SOX13: variants seen among roughly 807,000 people sequenced by gnomAD.
SOX13 encodes SRY-box transcription factor 13.
In SOX13, 28 loss-of-function variants were observed where a neutral mutation model predicts 71.8. The ratio of observed to expected loss-of-function variants is 0.39; its 90% CI spans 0.29 to 0.53. SOX13 has a LOEUF of 0.53. Among genes scored for constraint, SOX13 ranks in the 20% least tolerant of loss-of-function variants. SOX13 has a pLI of 0.70. For synonymous variants in SOX13, 309 were observed against 317.8 expected (o/e 0.97, Z 0.29); for missense variants, 627 against 810.3 (o/e 0.77, Z 2.75).
chr1:204,114,379 A>T lies in SOX13; in HGVS notation c.278A>T (p.Glu93Val), dbSNP rs1486234976. The change falls in exon 3 of 14, where the codon GAG becomes GTG. Residue 93 changes from glutamate to valine, a missense_variant. This residue lies in a region of SOX13 where 447 missense variants were observed against 532.2 expected (regional missense o/e 0.84). Coordinates refer to ENST00000367204, the MANE Select transcript of SOX13 (RefSeq NM_005686.3). Reference protein sequence around the residue: ...SPEPKRPGVSEAASGSQEKLD... With the variant: ...SPEPKRPGVSVAASGSQEKLD... ...GAACCCAAGAGACCAGGAGTGTCGG[A>T]GGCTGCCTCTGGAAGCCAGGAGAAG... is the stretch of plus-strand genomic sequence containing the variant. The T allele has an allele frequency of 6.2e-7, 1 of 1,612,522 alleles. No individual in the cohort carries two copies. Among genetic ancestry groups the T allele is most frequent in the Non-Finnish European group, 8.5e-7 (1 of 1,179,310 alleles).
intron 1 of SOX13, among the ~76,000 whole-genome samples, chr1:204,099,998 C>G (rs1656329624): frequency 6.6e-6 from 1 of 152,138 alleles, no homozygotes. Flanking sequence ...ATTAGCTGGG[C>G]ATGGTGGCAT....
At position 204,117,109 on chromosome 1, in the gene SOX13, T is replaced by C; in HGVS notation, c.592-13T>C. 1 of 1,613,620 alleles carries C rather than the reference T, an allele frequency of 6.2e-7. No individual in the cohort carries two copies. Among genetic ancestry groups the C allele is most frequent in the South Asian group, 1.1e-5 (1 of 91,040 alleles). The stretch of plus-strand genomic sequence containing the variant: ...GTCCGTGACCCCCTCTGCCTACTCT[T>C]TCCCTCTCCCAGATTGCAAAGCAGC... On this transcript the variant is annotated splice_polypyrimidine_tract_variant and intron_variant, in intron 5 of 13. Transcript: ENST00000367204.
rs752020783 is a variant in SOX13, at chr1:204,116,670, G to A, written c.582G>A (p.Gln194=). 6.2e-7 allele frequency: 1 copy of A among 1,613,642 alleles called. No individual in the cohort carries two copies. Among genetic ancestry groups the A allele is most frequent in the Admixed American group, 1.7e-5 (1 of 60,024 alleles). The change falls in exon 5 of 14, where the codon CAG becomes CAA. Residue 194 remains glutamine, a synonymous_variant. Coordinates refer to ENST00000367204, the MANE Select transcript of SOX13 (RefSeq NM_005686.3). The part of the protein sequence containing the change: ...QQQQMELARQ[Q]QEQIAKQQQQ... ...AGCAGATGGAGCTTGCCCGGCAGCA[G>A]CAGGAGCAGGTAGGTCCTGTTCGGT...
Position 204,122,254 on chromosome 1 carries a change from G to A in SOX13, c.879G>A (p.Leu293=), listed in dbSNP as rs889891998. The change falls in exon 9 of 14, where the codon CTG becomes CTA. Residue 293 remains leucine (L), a synonymous_variant. Transcript: ENST00000367204. ...TCCCTCAGGAGCCCTCCCAGCCCCT[G>A]AACCTCACAGCCAAGCCCAAGGCCC... The part of the protein sequence containing the change: ...HHPLQEPSQP[L]NLTAKPKAPE... The A allele has an allele frequency of 6.3e-7, 1 of 1,588,244 alleles. No individual in the cohort carries two copies. Among genetic ancestry groups the A allele is most frequent in the South Asian group, 1.2e-5 (1 of 86,892 alleles).
chr1:204,081,637 A>C lies in SOX13; in HGVS notation c.-2+7926A>C, dbSNP rs140820851. 1.8e-4 allele frequency among the ~76,000 whole-genome samples: 28 copies of C among 152,306 alleles called. No individual in the cohort carries two copies. In the East Asian group the frequency reaches 5.0e-3, roughly 27 times the overall value. Reference sequence around the variant, plus strand: ...GAGCCTTGGCGTGAGCTGCCCTCACACTGACTTAAAAGCATTAACTCTTGC... The same window carrying C: ...GAGCCTTGGCGTGAGCTGCCCTCACCCTGACTTAAAAGCATTAACTCTTGC... On this transcript the variant is annotated intron_variant, in intron 1 of 13. Coordinates refer to ENST00000367204, the MANE Select transcript of SOX13 (RefSeq NM_005686.3). The surrounding 1 kb of genome is among the most constrained non-coding windows in gnomAD (Gnocchi z 4.3).
intron 1 of SOX13, among the ~76,000 whole-genome samples, chr1:204,099,087 G>A (rs1656309766): frequency 6.6e-6 from 1 of 152,190 alleles, no homozygotes; most frequent in Non-Finnish European, 1.5e-5. Context: ...GGGGTTTCCA[G>A]GAGATAAACT....
intron 1 of SOX13, among the ~76,000 whole-genome samples, chr1:204,108,905 G>A (rs932559736): frequency 1.3e-5 from 2 of 152,186 alleles, no homozygotes; most frequent in South Asian, 4.1e-4. Context: ...TTTATTTTCA[G>A]CGGTTTGATT....
intron 1 of SOX13, among the ~76,000 whole-genome samples, chr1:204,104,707 C>T (rs910608929): frequency 8.5e-5 from 13 of 152,190 alleles, no homozygotes; most frequent in East Asian, 7.7e-4. Flanking sequence ...GTGTGCCCAG[C>T]GGGGAAGTGT....
chr1:204,125,987 C>T lies in SOX13; in HGVS notation c.1722C>T (p.Ile574=), dbSNP rs745813056. ...PRSLDPNMPV[I]VNTCSLREEG... is the part of the protein sequence containing the mutation. Reference sequence around the variant, plus strand: ...GCCTGGACCCCAACATGCCTGTGATCGTCAACACCTGCAGCCTCAGAGAGG... The same window carrying T: ...GCCTGGACCCCAACATGCCTGTGATTGTCAACACCTGCAGCCTCAGAGAGG... The change falls in exon 14 of 14, where the codon ATC becomes ATT. Residue 574 remains isoleucine, a synonymous_variant. Transcript: ENST00000367204. 15 of 1,613,826 alleles carry T rather than the reference C, an allele frequency of 9.3e-6. No individual in the cohort carries two copies. Among genetic ancestry groups the T allele is most frequent in the Non-Finnish European group, 1.1e-5 (13 of 1,179,886 alleles).
At chr1:204,099,499 C>T (rs1217199850) in intron 1 of SOX13, among the ~76,000 whole-genome samples, 6 of 141,904 alleles carry the variant, frequency 4.2e-5, no homozygotes, top group African/African-American at 1.6e-4. Flanking sequence ...GATCATGGCT[C>T]ACTGCAGCCC....
chr1:204,097,688 C>T (rs1412913355), intron 1 of SOX13, among the ~76,000 whole-genome samples: 4 of 128,090 alleles, frequency 3.1e-5, no homozygotes, highest in South Asian at 4.9e-4. Flanking sequence ...AGCGAAACTC[C>T]GTCTCAAAAA....
chr1:204,108,368 T>C (rs1656512454), intron 1 of SOX13, among the ~76,000 whole-genome samples: 1 of 152,210 alleles, frequency 6.6e-6, no homozygotes, highest in Non-Finnish European at 1.5e-5. Flanking sequence ...AGTAGCCGCA[T>C]GGGGCAAGTG....
chr1:204,124,586 G>GCAT, intron 12 of SOX13, 55 bp from the exon 13 acceptor site: 10 of 1,466,906 alleles, frequency 6.8e-6, no homozygotes, highest in Non-Finnish European at 9.4e-6. Context: ...GCATGGGGCT[G>GCAT]GGGGTGGTCA....
At chr1:204,102,626 A>C (rs912578709) in intron 1 of SOX13, among the ~76,000 whole-genome samples, 7 of 151,166 alleles carry the variant, frequency 4.6e-5, no homozygotes, top group Non-Finnish European at 8.8e-5. Context: ...GAGCAGATGG[A>C]GGAGGAAGAG....
chr1:204,122,630 G>A (rs2102265746), intron 9 of SOX13: 1 of 601,100 alleles, frequency 1.7e-6, no homozygotes, highest in Non-Finnish European at 3.0e-6. Context: ...AGGGGGTACT[G>A]TTGTCATTTC....
At chr1:204,097,153 C>A (rs1656268618) in intron 1 of SOX13, among the ~76,000 whole-genome samples, 1 of 152,034 alleles carries the variant, frequency 6.6e-6, no homozygotes, top group South Asian at 2.1e-4. Context: ...GTGGCTGTGA[C>A]CTGGCAGAGG....
Position 204,085,679 on chromosome 1 carries a change from A to G in SOX13, c.-2+11968A>G, listed in dbSNP as rs1166752744. On this transcript the variant is annotated intron_variant, in intron 1 of 13. Transcript: ENST00000367204. ...TACAAAAGCAGAAAGTGCATATTTA[A>G]AAAAAAAAAAAAGATCCAGGCCTGG... Among the ~76,000 whole-genome samples, 761 of 95,850 alleles carry G rather than the reference A, an allele frequency of 7.9e-3. 3 individuals are homozygous for G. Among genetic ancestry groups the G allele is most frequent in the Non-Finnish European group, 0.014 (546 of 38,816 alleles). 62.9% of individuals were successfully genotyped at this position (95,850 alleles called of 152,430 possible).
At chr1:204,122,741 C>T in intron 9 of SOX13, 113 bp from the exon 10 acceptor site, 1 of 670,710 alleles carries the variant, frequency 1.5e-6, no homozygotes, top group East Asian at 2.7e-5. Context: ...AACACTAACT[C>T]AGGTGCCTCA....
Position 204,126,200 on chromosome 1 carries a change from G to T in SOX13, c.*66G>T. The T allele has an allele frequency of 6.5e-7, 1 of 1,535,398 alleles. No individual in the cohort carries two copies. Among genetic ancestry groups the T allele is most frequent in the South Asian group, 1.2e-5 (1 of 82,356 alleles). On this transcript the variant is annotated 3_prime_UTR_variant, in exon 14 of 14. Transcript: ENST00000367204. ...ACCTTGTCCCAACTCGATGGGCACA[G>T]CCAGCCAACCTAAGACTATGTTGGT...
Sources: allele counts gnomAD v4.1 joint callset (sites outside exome capture counted in the v4.1 genomes callset), GRCh38; gene constraint gnomAD v4.1.1; regional missense constraint gnomAD v4.1.1; non-coding constraint Gnocchi (gnomAD v3.1); transcripts MANE v1.5; gene names NCBI Gene and HGNC (gene_info 2026-07-23, HGNC 2026-07-21).